The following CCDC187 variants were observed in gnomAD, a reference collection of about 807,000 sequenced individuals.
The protein encoded by CCDC187 is coiled-coil domain containing 187, also known as coiled-coil domain-containing protein 187.
Under a neutral mutation model 38.0 loss-of-function variants are expected in CCDC187, and 32 were observed. That is an observed-to-expected ratio of 0.84 (90% CI 0.64 to 1.13). The LOEUF is 1.13. Among genes scored for constraint, CCDC187 ranks in the 50% most tolerant of loss-of-function variants. CCDC187 has a pLI of 0.00. For synonymous variants in CCDC187, 333 were observed against 347.9 expected (o/e 0.96, Z 0.48); for missense variants, 707 against 786.8 (o/e 0.90, Z 1.21).
chr9:136,298,788 C>T (rs1477668894), intron 3 of CCDC187, among the ~76,000 whole-genome samples: 1 of 152,136 alleles, frequency 6.6e-6, no homozygotes, highest in Non-Finnish European at 1.5e-5. Flanking sequence ...GTGCCAGGGG[C>T]TGGGGGAGAG....
intron 7 of CCDC187, among the ~76,000 whole-genome samples, chr9:136,289,376 G>A (rs1052731918): frequency 8.7e-4 from 132 of 152,106 alleles, no homozygotes; most frequent in African/African-American, 2.8e-3. Context: ...AAAATTAGCC[G>A]GGCGTTGTGG....
rs889947498 is a variant in CCDC187 at position 136,286,077 on chromosome 9, C to T, written c.2833+8G>A. ...CCAGCGGTCACCGTGTCCCGGGTGC[C>T]GGCCTACCTCGGGGCTTGCTCTCGC... On this transcript the variant is annotated splice_region_variant and intron_variant, in intron 8 of 25. Coordinates refer to ENST00000638797, the MANE Select transcript of CCDC187 (RefSeq NM_001378188.1). The T allele has an allele frequency of 1.2e-4, 47 of 398,444 alleles. No homozygotes were observed. Among genetic ancestry groups the T allele is most frequent in the African/African-American group, 4.9e-4 (24 of 48,768 alleles). The allele number at this position is 398,444 out of a possible 1,614,324, so 24.7% of individuals were successfully genotyped here.
In CCDC187 at chr9:136,250,000, C is replaced by T. The variant is rs1830515566; in HGVS notation, c.*3594G>A. ...GAGGCTGGTATCAAGATTTATTGGC[C>T]CAAGCGGTGACGACAGATCAGAGCC... On this transcript the variant is annotated 3_prime_UTR_variant, in exon 26 of 26. Coordinates refer to ENST00000638797, the MANE Select transcript of CCDC187 (RefSeq NM_001378188.1). 1 of 152,082 alleles carries T rather than the reference C, an allele frequency of 6.6e-6. No individual in the cohort carries two copies. The allele number at this position is 152,082 out of a possible 1,614,324, so 9.4% of individuals were successfully genotyped here.
In CCDC187 at chr9:136,255,736, G is replaced by C; in HGVS notation, c.4617-3C>G. 1 of 985,430 alleles carries C rather than the reference G, an allele frequency of 1.0e-6. No individual in the cohort carries two copies. Among genetic ancestry groups the C allele is most frequent in the Non-Finnish European group, 1.2e-6 (1 of 829,890 alleles). The allele number at this position is 985,430 out of a possible 1,614,324, so 61.0% of individuals were successfully genotyped here. A position where few individuals can be genotyped will look rare whatever the true frequency, so the allele number is the denominator to read the frequency against. ...CCTCCTGCTGACAGGCCTCCGTCCT[G>C]CAAGCACATTCGTGGAGAACCCTGT... On this transcript the variant is annotated splice_region_variant and splice_polypyrimidine_tract_variant and intron_variant, in intron 24 of 25. Coordinates refer to ENST00000638797, the MANE Select transcript of CCDC187 (RefSeq NM_001378188.1).
Position 136,254,643 on chromosome 9 carries a change from C to T in CCDC187, c.5185G>A (p.Ala1729Thr). 1 of 985,562 alleles carries T rather than the reference C, an allele frequency of 1.0e-6. No individual in the cohort carries two copies. Among genetic ancestry groups the T allele is most frequent in the Non-Finnish European group, 1.2e-6 (1 of 830,002 alleles). The allele number at this position is 985,562 out of a possible 1,614,324, so 61.1% of individuals were successfully genotyped here. A position where few individuals can be genotyped will look rare whatever the true frequency, so the allele number is the denominator to read the frequency against. ...CCTGCCTTTGGGCTTTGCTCCGGCG[C>T]TGAAACTTCTGCCATGGCCGTGTCC... is the stretch of plus-strand genomic sequence containing the variant. Reference protein sequence around the residue: ...SLDTAMAEVSAPEQSPKAGWL... With the variant: ...SLDTAMAEVSTPEQSPKAGWL... The change falls in exon 26 of 26, where the codon GCG (alanine) becomes ACG (threonine). Residue 1729 changes from alanine to threonine, a missense_variant. Physicochemically the swap from Ala to Thr is moderately conservative, Grantham distance 58. Transcript: ENST00000638797.
Position 136,257,171 on chromosome 9 carries a change from G to A in CCDC187, c.4367-330C>T, listed in dbSNP as rs533059989. The stretch of plus-strand genomic sequence containing the variant: ...GGGCGGATCACAAGGTCAGGAGTTC[G>A]AGACCAGCCTGGCCAATGTAGTGAA... On this transcript the variant is annotated intron_variant, in intron 22 of 25. Transcript: ENST00000638797. This position sits in a 1 kb window ranked among gnomAD's most constrained non-coding sequence, Gnocchi z 4.5. Among the ~76,000 whole-genome samples, 5 of 152,040 alleles carry A rather than the reference G, an allele frequency of 3.3e-5. No homozygotes were observed. The highest frequency in any genetic ancestry group is 2.1e-4 in the South Asian group (1 of 4,826).
chr9:136,292,722 A>C (rs968222524), intron 4 of CCDC187, among the ~76,000 whole-genome samples: 3 of 152,164 alleles, frequency 2.0e-5, no homozygotes, highest in African/African-American at 7.2e-5. Context: ...TCCGTGCTGC[A>C]CATCGGGCTC....
chr9:136,251,834 C>CA lies in CCDC187; in HGVS notation c.*1759dup, dbSNP rs1368797104. ...CCGCGGAGCCGGCGCCCACCCTGTC[C>CA]ACCGGGGGAAGAGCCGGCCACCCAC... On this transcript the variant is annotated 3_prime_UTR_variant, in exon 26 of 26. Coordinates refer to ENST00000638797, the MANE Select transcript of CCDC187 (RefSeq NM_001378188.1). 3 of 153,506 alleles carry CA rather than the reference C, an allele frequency of 2.0e-5. No individual in the cohort carries two copies. The highest frequency in any genetic ancestry group is 4.4e-5 in the Non-Finnish European group (3 of 68,904). 9.5% of individuals were successfully genotyped at this position (153,506 alleles called of 1,614,324 possible).
chr9:136,282,308 C>G (rs1465709941), intron 9 of CCDC187, among the ~76,000 whole-genome samples: 2 of 152,116 alleles, frequency 1.3e-5, no homozygotes, highest in Non-Finnish European at 2.9e-5. Flanking sequence ...AGCTGGCCAG[C>G]ACGCAAGGCT....
intron 7 of CCDC187, among the ~76,000 whole-genome samples, chr9:136,288,626 G>A (rs1831237537): frequency 6.6e-6 from 1 of 152,176 alleles, no homozygotes; most frequent in African/African-American, 2.4e-5. Flanking sequence ...TCCTGGGCGA[G>A]AGCCAGGCTG....
intron 19 of CCDC187, among the ~76,000 whole-genome samples, chr9:136,261,944 A>C (rs1830683870): frequency 6.6e-6 from 1 of 152,176 alleles, no homozygotes; most frequent in Non-Finnish European, 1.5e-5. Flanking sequence ...GATGGGAAAA[A>C]CAGCTCCTCC....
At chr9:136,266,425 C>T (rs782464239) in intron 16 of CCDC187, 1 of 152,274 alleles carries the variant, frequency 6.6e-6, no homozygotes, top group South Asian at 2.1e-4. Context: ...CTGGCCCGCT[C>T]AGACACCGGG....
chr9:136,255,063 A>T lies in CCDC187; in HGVS notation c.4765T>A (p.Ser1589Thr), dbSNP rs1218364575. ...GACTCAGAGCCTGGACCGCAGGAGG[A>T]GGTGGTGGGGAGAAGGGGACTGCCC... ...HQGSPLLPTT[S>T]SCGPGSESAS... The change falls in exon 26 of 26, where the codon TCC (serine) becomes ACC (threonine). Residue 1589 changes from serine (S) to threonine (T), a missense_variant. Transcript: ENST00000638797. The T allele has an allele frequency of 2.0e-6, 2 of 985,324 alleles. No homozygotes were observed. Among genetic ancestry groups the T allele is most frequent in the African/African-American group, 3.5e-5 (2 of 57,210 alleles). The allele number at this position is 985,324 out of a possible 1,614,324, so 61.0% of individuals were successfully genotyped here. A position where few individuals can be genotyped will look rare whatever the true frequency, so the allele number is the denominator to read the frequency against.
Position 136,278,017 on chromosome 9 carries a change from G to A in CCDC187, c.3041-1290C>T, listed in dbSNP as rs1188095802. Among the ~76,000 whole-genome samples the A allele has an allele frequency of 2.6e-5, 4 of 152,340 alleles. No homozygotes were observed. In the East Asian group the frequency reaches 5.8e-4, roughly 22 times the overall value. Reference sequence around the variant, plus strand: ...CCGAGACAGGGTGAGCAGCAGGGGCGCCTGGCCACCTGGCGTGCACTGAGC... The same window carrying A: ...CCGAGACAGGGTGAGCAGCAGGGGCACCTGGCCACCTGGCGTGCACTGAGC... On this transcript the variant is annotated intron_variant, in intron 10 of 25. Coordinates refer to ENST00000638797, the MANE Select transcript of CCDC187 (RefSeq NM_001378188.1).
intron 25 of CCDC187, 36 bp downstream of exon 25, chr9:136,255,621 G>A (rs1342033957): frequency 1.3e-5 from 12 of 947,396 alleles, no homozygotes; most frequent in East Asian, 1.2e-4. Flanking sequence ...GTGGGGACTC[G>A]ATGGCTGAAG....
At chr9:136,281,775 G>A (rs1048846910) in intron 9 of CCDC187, 112 bp from the exon 10 acceptor site, 128 of 397,720 alleles carry the variant, frequency 3.2e-4, no homozygotes, top group African/African-American at 2.4e-3. Context: ...CCCGTGGCCT[G>A]GAGCAGCTCT....
chr9:136,265,534 T>C (rs369652594), intron 17 of CCDC187: 25 of 152,396 alleles, frequency 1.6e-4, no homozygotes, highest in African/African-American at 4.8e-4. Flanking sequence ...CCCGGGTAAG[T>C]GCTGGCTGCA....
Position 136,257,629 on chromosome 9 carries a change from GC to G in CCDC187, c.4367-789del, listed in dbSNP as rs201153965. ...GCAGAGCCCTCCCCAGGAGCACCAG[GC>G]CCCCCAGCATTGCACCTCCATCTCC... On this transcript the variant is annotated intron_variant, in intron 22 of 25. Transcript: ENST00000638797. The surrounding 1 kb of genome is among the most constrained non-coding windows in gnomAD (Gnocchi z 4.5). Among the ~76,000 whole-genome samples, 136 of 152,218 alleles carry G rather than the reference GC, an allele frequency of 8.9e-4. 2 individuals carry two copies. In the East Asian group the frequency reaches 0.023, roughly 26 times the overall value.
intron 4 of CCDC187, among the ~76,000 whole-genome samples, chr9:136,293,397 ACTCAC>A (rs1831414086): frequency 1.3e-5 from 1 of 75,000 alleles, no homozygotes; most frequent in East Asian, 5.1e-4. Context: ...ATGCTCACAC[ACTCAC>A]AAACACTCAC....
Sources: gnomAD v4.1 joint callset for allele counts (sites outside exome capture counted in the v4.1 genomes callset) on GRCh38, gnomAD v4.1.1 for gene constraint, Gnocchi (gnomAD v3.1) non-coding constraint, MANE v1.5 for transcripts, NCBI Gene and HGNC (gene_info 2026-07-23, HGNC 2026-07-21) for gene names.